The following RABL6 variants were observed in gnomAD, a reference collection of about 807,000 sequenced individuals.
RABL6 encodes the protein RAB, member RAS oncogene family like 6.
A neutral mutation model predicts 72.9 loss-of-function variants in RABL6; 28 were observed. The ratio of observed to expected loss-of-function variants is 0.38; its 90% CI spans 0.28 to 0.53. The LOEUF (loss-of-function observed/expected upper bound fraction) is 0.53, where lower values mean the gene tolerates loss of function less well. Among genes scored for constraint, RABL6 ranks in the 20% least tolerant of loss-of-function variants. The probability of loss-of-function intolerance (pLI) is 0.80; values close to 1 mark genes in which losing one functional copy is unlikely to be tolerated. For synonymous variants in RABL6, 477 were observed against 421.2 expected (o/e 1.13, Z -1.62); for missense variants, 1,029 against 1,008.4 (o/e 1.02, Z -0.28).
At chr9:136,820,343 T>A (rs1233813021) in intron 1 of RABL6, among the ~76,000 whole-genome samples, 1 of 152,166 alleles carries the variant, frequency 6.6e-6, no homozygotes, top group Non-Finnish European at 1.5e-5. Flanking sequence ...GGCTCTAGCC[T>A]GGGTGACAGT....
At chr9:136,813,976 A>T (rs1848066131) in intron 1 of RABL6, 1 of 387,798 alleles carries the variant, frequency 2.6e-6, no homozygotes, top group Non-Finnish European at 5.1e-6. Flanking sequence ...TGTAGCCAAA[A>T]GTATTCTCAC....
chr9:136,821,304 G>C, intron 1 of RABL6: 2 of 983,802 alleles, frequency 2.0e-6, no homozygotes, highest in Non-Finnish European at 2.4e-6. Context: ...GACCGTCTCT[G>C]CGCTCTCCGC....
At position 136,829,468 on chromosome 9, in the gene RABL6, G is replaced by A. The variant is rs917359021; in HGVS notation, c.442G>A (p.Asp148Asn). Residue 148 changes from aspartate (D) to asparagine (N), a missense_variant, in exon 5 of 15, where the codon GAC (aspartate) becomes AAC (asparagine). Asp to Asn is a conservative substitution (Grantham distance 23). Coordinates refer to ENST00000311502, the MANE Select transcript of RABL6 (RefSeq NM_024718.5). The part of the protein sequence containing the change: ...KNCNGVVMMF[D>N]ITKQWTFNYI... ...CTGCAACGGGGTGGTCATGATGTTC[G>A]ACATTACCAAGCAGTGGTAAGAGGG... 2 of 1,584,328 alleles carry A rather than the reference G, an allele frequency of 1.3e-6. No homozygotes were observed. Among genetic ancestry groups the A allele is most frequent in the Non-Finnish European group, 8.6e-7 (1 of 1,165,720 alleles).
At chr9:136,822,515 C>G (rs1848259549) in intron 1 of RABL6, among the ~76,000 whole-genome samples, 1 of 152,224 alleles carries the variant, frequency 6.6e-6, no homozygotes, top group African/African-American at 2.4e-5. Flanking sequence ...CTCGGTCATT[C>G]TCGATCCTGT....
Position 136,832,292 on chromosome 9 carries a change from T to C in RABL6, c.627T>C (p.Tyr209=). ...CTCCAGGTTCCTCCTACTTCCGCTA[T>C]GCTGAGTCTTCCATGAAGAACAGCT... ...DRPPGSSYFR[Y]AESSMKNSFG... is the part of the protein sequence containing the mutation. The change falls in exon 7 of 15, where the codon TAT becomes TAC. Residue 209 remains tyrosine (Y), a synonymous_variant. Coordinates refer to ENST00000311502, the MANE Select transcript of RABL6 (RefSeq NM_024718.5). 1.2e-6 allele frequency: 2 copies of C among 1,613,924 alleles called. No individual in the cohort carries two copies. Among genetic ancestry groups the C allele is most frequent in the South Asian group, 1.1e-5 (1 of 91,086 alleles).
Position 136,835,750 on chromosome 9 carries a change from G to C in RABL6, c.714G>C (p.Thr238=), listed in dbSNP as rs1474959926. ...GTGCTCCCTTTCTGCAGAGGGAGAC[G>C]CTGTTGCGGCAGCTGGAGACGAACC... ...NIPFLQLQRE[T]LLRQLETNQL... is the part of the protein sequence containing the mutation. Residue 238 remains threonine, a synonymous_variant, in exon 8 of 15, where the codon ACG becomes ACC. Transcript: ENST00000311502. The C allele has an allele frequency of 6.5e-7, 1 of 1,549,428 alleles. No individual in the cohort carries two copies. Among genetic ancestry groups the C allele is most frequent in the Non-Finnish European group, 8.7e-7 (1 of 1,147,164 alleles).
chr9:136,818,385 AAAAAAAAAAAAAAAAAAAACCAAAG>A (rs1848167113), intron 1 of RABL6, among the ~76,000 whole-genome samples: 1 of 126,492 alleles, frequency 7.9e-6, no homozygotes, highest in African/African-American at 3.7e-5. Flanking sequence ...AAAAAAAAAA[AAAAAAAAAAAAAAAAAAAACCAAAG>A]GTAAGCAAAG....
intron 3 of RABL6, 110 bp downstream of exon 3, chr9:136,825,936 C>T (rs968494940): frequency 8.1e-5 from 106 of 1,304,312 alleles, no homozygotes; most frequent in African/African-American, 7.6e-4. Context: ...TCCTCGTGGA[C>T]GGTGCCCAGG....
intron 4 of RABL6, among the ~76,000 whole-genome samples, chr9:136,828,826 A>G (rs1183430814): frequency 2.6e-5 from 4 of 151,110 alleles, no homozygotes; most frequent in Non-Finnish European, 5.9e-5. Context: ...CTTTTATCCC[A>G]GTCTCGGTGG....
At chr9:136,829,122 C>T (rs1050710294) in intron 4 of RABL6, among the ~76,000 whole-genome samples, 3 of 152,172 alleles carry the variant, frequency 2.0e-5, no homozygotes, top group Non-Finnish European at 4.4e-5. Context: ...TTTGGTTATC[C>T]GTGAGGCCTG....
rs1284653593 is a variant in RABL6 at position 136,839,256 on chromosome 9, A to T, written c.1528A>T (p.Thr510Ser). Residue 510 changes from threonine to serine, a missense_variant, in exon 12 of 15, where the codon ACA becomes TCA. Physicochemically the swap from Thr to Ser is moderately conservative, Grantham distance 58. Coordinates refer to ENST00000311502, the MANE Select transcript of RABL6 (RefSeq NM_024718.5). Reference sequence around the variant, plus strand: ...ACCAGCTTCGAAGCCACGGAGGGGGACAGCTCCCACGAGGACCGCAGCACC... The same window carrying T: ...ACCAGCTTCGAAGCCACGGAGGGGGTCAGCTCCCACGAGGACCGCAGCACC... ...SIPASKPRRG[T>S]APTRTAAPPW... The T allele has an allele frequency of 1.2e-6, 2 of 1,604,302 alleles. No homozygotes were observed. The highest frequency in any genetic ancestry group is 3.4e-5 in the Admixed American group (2 of 58,578).
In RABL6 at chr9:136,808,489, C is replaced by A. The variant is rs893470062; in HGVS notation, c.130+163C>A. 1.1e-5 allele frequency: 8 copies of A among 732,460 alleles called. No homozygotes were observed. In the African/African-American group the frequency reaches 1.1e-4, roughly 10 times the overall value. 45.4% of individuals were successfully genotyped at this position (732,460 alleles called of 1,614,324 possible). On this transcript the variant is annotated intron_variant, in intron 1 of 14. Transcript: ENST00000311502. ...GAGCGGGGGCGCGGGCCAGGGGACG[C>A]GAGGAGAGGCCAGGCCAGGGCCGGG...
Position 136,840,471 on chromosome 9 carries a change from C to T in RABL6, c.2139C>T (p.Gly713=), listed in dbSNP as rs1041758941. 3.8e-5 allele frequency: 58 copies of T among 1,530,918 alleles called. No homozygotes were observed. The highest frequency in any genetic ancestry group is 2.1e-4 in the Middle Eastern group (1 of 4,810). 94.8% of individuals were successfully genotyped at this position (1,530,918 alleles called of 1,614,324 possible). The part of the protein sequence containing the change: ...AADELEAFLG[G]GAPGGRHPGG... ...ATGAGCTGGAGGCTTTCCTGGGGGG[C>T]GGGGCCCCGGGCGGCCGCCACCCTG... The change falls in exon 15 of 15, where the codon GGC becomes GGT. Residue 713 remains glycine (G), a synonymous_variant. Transcript: ENST00000311502.
chr9:136,830,283 A>G (rs543623992), intron 5 of RABL6, among the ~76,000 whole-genome samples: 1 of 152,362 alleles, frequency 6.6e-6, no homozygotes, highest in East Asian at 1.9e-4. Context: ...CCGCACACTC[A>G]GCACGCATCA....
At chr9:136,828,615 C>T in intron 4 of RABL6, 69 bp downstream of exon 4, 1 of 1,531,812 alleles carries the variant, frequency 6.5e-7, no homozygotes, top group Non-Finnish European at 9.0e-7. Flanking sequence ...GTGCCCAGCG[C>T]TTCACACGCT....
At chr9:136,838,125 G>C (rs1321941482) in intron 10 of RABL6, 110 bp downstream of exon 10, 1 of 1,332,924 alleles carries the variant, frequency 7.5e-7, no homozygotes, top group Non-Finnish European at 1.0e-6. Flanking sequence ...CCCGCCGGCT[G>C]GTCACTGTTG....
intron 7 of RABL6, chr9:136,833,496 G>A: frequency 1.7e-6 from 1 of 597,154 alleles, no homozygotes; most frequent in Non-Finnish European, 2.9e-6. Flanking sequence ...CCTGGGTCTG[G>A]GGGACCTGAA....
At chr9:136,823,962 T>C (rs1387055134) in intron 2 of RABL6, among the ~76,000 whole-genome samples, 1 of 152,228 alleles carries the variant, frequency 6.6e-6, no homozygotes, top group Non-Finnish European at 1.5e-5. Context: ...CCGAGGAGCA[T>C]TCCCTTGCCT....
At chr9:136,813,383 G>T in intron 1 of RABL6, 1 of 958,462 alleles carries the variant, frequency 1.0e-6, no homozygotes, top group Non-Finnish European at 1.6e-6. Context: ...TTGCACTGTA[G>T]GAGAGGTTGC....
Sources: gnomAD v4.1 joint callset for allele counts (sites outside exome capture counted in the v4.1 genomes callset) on GRCh38, gnomAD v4.1.1 for gene constraint, MANE v1.5 for transcripts, NCBI Gene and HGNC (gene_info 2026-07-23, HGNC 2026-07-21) for gene names.